STAG1: variants seen among roughly 807,000 people sequenced by gnomAD.
The protein encoded by STAG1 is cohesin subunit SA-1.
In STAG1, 26 loss-of-function variants were observed where a neutral mutation model predicts 170.9. That is an observed-to-expected ratio of 0.15 (90% CI 0.11 to 0.21). The LOEUF (loss-of-function observed/expected upper bound fraction) is 0.21. STAG1 is among the 10% of genes least tolerant of loss of function. The pLI is 1.00. For missense variants in STAG1, 964 were observed against 1,509.5 expected, an observed-to-expected ratio of 0.64 and a Z score of 5.99; for synonymous variants, 514 against 497.7, an observed-to-expected ratio of 1.03 and a Z score of -0.44.
At chr3:136,669,719 C>T (rs755842086) in intron 1 of STAG1, among the ~76,000 whole-genome samples, 3 of 152,036 alleles carry the variant, frequency 2.0e-5, no homozygotes, top group Non-Finnish European at 2.9e-5. Flanking sequence ...AATAAAAAGA[C>T]GCCATTTCAA....
At chr3:136,363,575 AGGTT>A (rs1043027388) in intron 25 of STAG1, 108 bp from the exon 26 acceptor site, 6 of 482,980 alleles carry the variant, frequency 1.2e-5, no homozygotes, top group African/African-American at 1.2e-4. Context: ...AAAAAAGAAC[AGGTT>A]GGTTGGTAAA....
intron 1 of STAG1, among the ~76,000 whole-genome samples, chr3:136,638,211 G>A (rs1304981938): frequency 6.6e-6 from 1 of 150,602 alleles, no homozygotes; most frequent in Non-Finnish European, 1.5e-5. Context: ...TCAGCTCACT[G>A]CAATCTCCGC....
At chr3:136,530,071 G>C (rs181171969) in intron 6 of STAG1, among the ~76,000 whole-genome samples, 3 of 152,042 alleles carry the variant, frequency 2.0e-5, no homozygotes, top group African/African-American at 7.2e-5. Context: ...GAAATGAAAA[G>C]TGAGCAAGAA....
chr3:136,560,888 CATT>C (rs1304026473), intron 5 of STAG1, among the ~76,000 whole-genome samples: 4 of 152,032 alleles, frequency 2.6e-5, no homozygotes, highest in African/African-American at 9.7e-5. Flanking sequence ...TTTGTTCTGT[CATT>C]GTTGGTGATA....
chr3:136,596,590 T>C (rs1429687399), intron 4 of STAG1, among the ~76,000 whole-genome samples: 9 of 152,312 alleles, frequency 5.9e-5, no homozygotes, highest in East Asian at 1.9e-4. Flanking sequence ...TTTTCTCCTA[T>C]CTTTTCAGAA....
At chr3:136,729,570 CTTTTTTTT>C (rs34078029) in intron 1 of STAG1, among the ~76,000 whole-genome samples, 5,597 of 94,802 alleles carry the variant, frequency 0.059, 137 homozygotes, top group South Asian at 0.083. Flanking sequence ...TGTAGTTTTC[CTTTTTTTT>C]TTTTTTTTTT....
At chr3:136,348,936 G>T (rs696516) in intron 29 of STAG1, 413,109 of 540,640 alleles carry the variant, frequency 0.76, 158,546 homozygotes, top group East Asian at 0.84. Flanking sequence ...CCTCTTTTGG[G>T]CTGTCTTCCT....
chr3:136,661,554 G>A (rs868619465), intron 1 of STAG1, among the ~76,000 whole-genome samples: 24 of 152,006 alleles, frequency 1.6e-4, no homozygotes, highest in African/African-American at 4.8e-4. Flanking sequence ...TAAATGTTGC[G>A]TTTAGACTTG....
intron 1 of STAG1, among the ~76,000 whole-genome samples, chr3:136,668,126 G>A (rs1044108817): frequency 3.3e-5 from 5 of 151,764 alleles, no homozygotes; most frequent in Non-Finnish European, 5.9e-5. Context: ...CAGCTATGTC[G>A]AGAGGCTGAA....
chr3:136,621,214 C>T (rs182686979), intron 3 of STAG1, among the ~76,000 whole-genome samples: 239 of 152,154 alleles, frequency 1.6e-3, no homozygotes, highest in African/African-American at 5.5e-3. Flanking sequence ...TATACAATAG[C>T]CTGCTGGTGG....
intron 6 of STAG1, among the ~76,000 whole-genome samples, chr3:136,526,088 G>A (rs1935008916): frequency 6.6e-6 from 1 of 152,202 alleles, no homozygotes; most frequent in African/African-American, 2.4e-5. Context: ...TTGGGGTGGA[G>A]AGTTCTGTAG....
chr3:136,491,883 T>A (rs2090131253), intron 9 of STAG1, among the ~76,000 whole-genome samples: 1 of 144,012 alleles, frequency 6.9e-6, no homozygotes, highest in African/African-American at 2.7e-5. Flanking sequence ...TCCCAGCTAC[T>A]CAGGAGGCTG....
intron 5 of STAG1, among the ~76,000 whole-genome samples, chr3:136,546,535 G>GT (rs2107732560): frequency 6.6e-6 from 1 of 152,252 alleles, no homozygotes; most frequent in African/African-American, 2.4e-5. Flanking sequence ...ACAATAAAAA[G>GT]TAATTCTAGA....
intron 1 of STAG1, among the ~76,000 whole-genome samples, chr3:136,702,119 G>C (rs956623189): frequency 6.7e-4 from 46 of 68,264 alleles, no homozygotes; most frequent in African/African-American, 2.1e-3. Context: ...GAGAGAGAGA[G>C]AGACAGAGAG....
At chr3:136,526,432 G>C (rs891127402) in intron 6 of STAG1, among the ~76,000 whole-genome samples, 2 of 151,528 alleles carry the variant, frequency 1.3e-5, no homozygotes, top group African/African-American at 4.8e-5. Context: ...GCCTTTTTTT[G>C]TTTTCCATTT....
chr3:136,623,640 A>G (rs1177925456), intron 2 of STAG1, among the ~76,000 whole-genome samples: 1 of 152,152 alleles, frequency 6.6e-6, no homozygotes, highest in Non-Finnish European at 1.5e-5. Flanking sequence ...AAAAAAAAAT[A>G]CAAACACCTA....
Position 136,422,611 on chromosome 3 carries a change from A to G in STAG1, c.1836T>C (p.His612=). The G allele has an allele frequency of 6.2e-7, 1 of 1,606,172 alleles. No individual in the cohort carries two copies. The highest frequency in any genetic ancestry group is 8.5e-7 in the Non-Finnish European group (1 of 1,178,282). The change falls in exon 19 of 34, where the codon CAT becomes CAC. Residue 612 remains histidine (H), a splice_region_variant and synonymous_variant. Transcript: ENST00000383202. ...TAATCTGTTTTAATAAAGCATCCAG[A>G]TGCTGAGGAGACAAAAAAAGAAAAA... ...EIYSTGRMEK[H]LDALLKQIKF...
At chr3:136,374,795 C>A (rs1296633345) in intron 23 of STAG1, among the ~76,000 whole-genome samples, 1 of 151,976 alleles carries the variant, frequency 6.6e-6, no homozygotes, top group Non-Finnish European at 1.5e-5. Flanking sequence ...TTAGTATAGT[C>A]TAAGTGTATG....
chr3:136,488,349 C>T (rs2090057373), intron 9 of STAG1, among the ~76,000 whole-genome samples: 1 of 152,232 alleles, frequency 6.6e-6, no homozygotes, highest in Admixed American at 6.5e-5. Flanking sequence ...TCTTGAACTC[C>T]TGACCTCAGG....
Sources: allele counts gnomAD v4.1 joint callset (sites outside exome capture counted in the v4.1 genomes callset), GRCh38; gene constraint gnomAD v4.1.1; transcripts MANE v1.5; gene names NCBI Gene and HGNC (gene_info 2026-07-23, HGNC 2026-07-21).